The following FGF12 variants were observed in gnomAD, a reference collection of about 807,000 sequenced individuals.
FGF12 encodes fibroblast growth factor 12.
Under a neutral mutation model 23.6 loss-of-function variants are expected in FGF12, and 14 were observed. The observed-to-expected ratio is 0.59, with a 90% CI of 0.39 to 0.93. The LOEUF is 0.93. FGF12 is among the 40% of genes least tolerant of loss of function. FGF12 has a pLI of 0.00. For missense variants in FGF12, 175 were observed against 217.8 expected (o/e 0.80, Z 1.24); for synonymous variants, 62 against 77.3 (o/e 0.80, Z 1.04).
At chr3:192,157,974 C>G (rs1714518645) in intron 5 of FGF12, among the ~76,000 whole-genome samples, 1 of 152,166 alleles carries the variant, frequency 6.6e-6, no homozygotes, top group South Asian at 2.1e-4. Flanking sequence ...AGAGGGTAAC[C>G]TGTCCAAAGT....
chr3:192,408,409 C>A lies in FGF12; in HGVS notation c.14-47871G>T, dbSNP rs1003133712. 4.3e-6 allele frequency: 6 copies of A among 1,399,614 alleles called. No individual in the cohort carries two copies. In the East Asian group the frequency reaches 1.3e-4, roughly 31 times the overall value. 86.7% of individuals were successfully genotyped at this position (1,399,614 alleles called of 1,614,324 possible). On this transcript the variant is annotated intron_variant, in intron 2 of 5. Transcript: ENST00000445105. The surrounding 1 kb of genome is among the most constrained non-coding windows in gnomAD (Gnocchi z 7.3). ...AGGTTAGTCAAAGTCTGGGCAGTGG[C>A]GACAAAATGTGTGAAAATCCAGATG...
At chr3:192,608,335 G>A (rs1211527408) in intron 2 of FGF12, among the ~76,000 whole-genome samples, 1 of 152,096 alleles carries the variant, frequency 6.6e-6, no homozygotes, top group African/African-American at 2.4e-5. Context: ...AGTGATAAAT[G>A]TTTGAGGTGA....
chr3:192,200,919 G>C (rs1447842832), intron 4 of FGF12, among the ~76,000 whole-genome samples: 1 of 151,546 alleles, frequency 6.6e-6, no homozygotes, highest in Non-Finnish European at 1.5e-5. Flanking sequence ...AAAAAAAAAT[G>C]AGTGAGTAGG....
At chr3:192,571,535 T>C (rs1368115522) in intron 2 of FGF12, among the ~76,000 whole-genome samples, 2 of 152,276 alleles carry the variant, frequency 1.3e-5, no homozygotes, top group South Asian at 2.1e-4. Context: ...GTCCAGACTT[T>C]CCATCCGAGA....
intron 2 of FGF12, among the ~76,000 whole-genome samples, chr3:192,651,444 A>G (rs557799005): frequency 6.6e-6 from 1 of 152,288 alleles, no homozygotes; most frequent in African/African-American, 2.4e-5. Flanking sequence ...GTTAAGTGAT[A>G]TTTACTGGTA....
chr3:192,599,752 T>A (rs755035301), intron 2 of FGF12, among the ~76,000 whole-genome samples: 15 of 152,052 alleles, frequency 9.9e-5, no homozygotes, highest in Non-Finnish European at 2.1e-4. Flanking sequence ...GCAGCTGTCA[T>A]TCTAGAGGGA....
chr3:192,575,203 G>A (rs1375451469), intron 2 of FGF12, among the ~76,000 whole-genome samples: 1 of 152,188 alleles, frequency 6.6e-6, no homozygotes, highest in Non-Finnish European at 1.5e-5. Context: ...GGCAAAGAGA[G>A]AAAGAGTTCA....
intron 2 of FGF12, among the ~76,000 whole-genome samples, chr3:192,623,446 A>T (rs1715048944): frequency 6.6e-6 from 1 of 152,142 alleles, no homozygotes; most frequent in South Asian, 2.1e-4. Flanking sequence ...TGATGCCTCA[A>T]GGTCAACTGA....
At chr3:192,628,180 T>A (rs1328023410) in intron 2 of FGF12, among the ~76,000 whole-genome samples, 1 of 152,196 alleles carries the variant, frequency 6.6e-6, no homozygotes, top group East Asian at 1.9e-4. Flanking sequence ...ATATCAATAG[T>A]TTGTTTCTTT....
chr3:192,211,186 T>C (rs1162367157), intron 4 of FGF12, among the ~76,000 whole-genome samples: 3 of 152,148 alleles, frequency 2.0e-5, no homozygotes, highest in South Asian at 2.1e-4. Flanking sequence ...GGTCAGATTA[T>C]GCATATAATT....
At chr3:192,222,668 G>C (rs994175081) in intron 4 of FGF12, among the ~76,000 whole-genome samples, 1 of 151,966 alleles carries the variant, frequency 6.6e-6, no homozygotes, top group Non-Finnish European at 1.5e-5. Context: ...CTTTTATTGT[G>C]TGTGAAAAAG....
chr3:192,553,756 G>C (rs2108587833), intron 2 of FGF12, among the ~76,000 whole-genome samples: 1 of 152,260 alleles, frequency 6.6e-6, no homozygotes, highest in South Asian at 2.1e-4. Flanking sequence ...GCTTCTCTCT[G>C]GGGAGGAAAC....
chr3:192,194,501 T>A (rs150896769), intron 4 of FGF12, among the ~76,000 whole-genome samples: 104 of 152,318 alleles, frequency 6.8e-4, no homozygotes, highest in African/African-American at 2.4e-3. Context: ...TGGATGAAAT[T>A]TTCATTCACA....
intron 5 of FGF12, among the ~76,000 whole-genome samples, 153 bp from the exon 6 acceptor site, chr3:192,144,280 A>T (rs1250185653): frequency 2.0e-5 from 3 of 152,220 alleles, no homozygotes; most frequent in African/African-American, 7.2e-5. Flanking sequence ...ATCAGTGAAT[A>T]CACTTAATTT....
At chr3:192,332,121 CTAAT>C (rs1160563870) in intron 4 of FGF12, among the ~76,000 whole-genome samples, 2 of 152,014 alleles carry the variant, frequency 1.3e-5, no homozygotes, top group Non-Finnish European at 2.9e-5. Context: ...TATAACATAA[CTAAT>C]TGTGCATATG....
chr3:192,287,296 A>G (rs916448089), intron 4 of FGF12, among the ~76,000 whole-genome samples: 18 of 152,022 alleles, frequency 1.2e-4, no homozygotes, highest in African/African-American at 3.9e-4. Context: ...CTCATTCTCC[A>G]GTTGTATTCC....
chr3:192,602,685 T>A (rs1210608627), intron 2 of FGF12, among the ~76,000 whole-genome samples: 3 of 150,658 alleles, frequency 2.0e-5, no homozygotes, highest in Non-Finnish European at 4.4e-5. Flanking sequence ...TGTTTATGAG[T>A]ATCTGGCACT....
chr3:192,503,482 C>T (rs1367639297), intron 2 of FGF12, among the ~76,000 whole-genome samples: 1 of 151,856 alleles, frequency 6.6e-6, no homozygotes, highest in Non-Finnish European at 1.5e-5. Flanking sequence ...AATTACTGCC[C>T]AATACCATTT....
At position 192,180,075 on chromosome 3, in the gene FGF12, G is replaced by C. The variant is rs1716089002; in HGVS notation, c.229-9419C>G. ...GGTTAATTAAGATTATCTTGCTTAA[G>C]GCTCAACTTGGTCATCTATATATAG... On this transcript the variant is annotated intron_variant, in intron 4 of 5. Coordinates refer to ENST00000445105, the MANE Select transcript of FGF12 (RefSeq NM_004113.6). Among the ~76,000 whole-genome samples the C allele has an allele frequency of 1.3e-5, 2 of 151,680 alleles. 1 individual carries two copies. Among genetic ancestry groups the C allele is most frequent in the South Asian group, 4.1e-4 (2 of 4,824 alleles).
Sources: allele counts gnomAD v4.1 joint callset (sites outside exome capture counted in the v4.1 genomes callset), GRCh38; gene constraint gnomAD v4.1.1; non-coding constraint Gnocchi (gnomAD v3.1); transcripts MANE v1.5; gene names NCBI Gene and HGNC (gene_info 2026-07-23, HGNC 2026-07-21).